The following PTGES2 variants were observed in gnomAD, a reference collection of about 807,000 sequenced individuals.
PTGES2 encodes prostaglandin E synthase 2.
In PTGES2, 35 loss-of-function variants were observed where a neutral mutation model predicts 44.5. The ratio of observed to expected loss-of-function variants is 0.79; its 90% CI spans 0.60 to 1.04. The LOEUF (loss-of-function observed/expected upper bound fraction) is 1.04, where lower values mean the gene tolerates loss of function less well. Ranked by LOEUF, PTGES2 falls within the 50% of genes least tolerant of loss-of-function variation. The pLI is 0.00. For synonymous variants in PTGES2, 221 were observed against 227.5 expected (o/e 0.97, Z 0.26); for missense variants, 517 against 521.4 (o/e 0.99, Z 0.08).
At chr9:128,125,593 G>T in intron 1 of PTGES2, 152 bp from the exon 2 acceptor site, 1 of 722,308 alleles carries the variant, frequency 1.4e-6, no homozygotes, top group Non-Finnish European at 2.3e-6. Flanking sequence ...GGGAAAGGGA[G>T]GCACTGGACA....
At chr9:128,127,322 C>G in intron 1 of PTGES2, 117 bp downstream of exon 1, 1 of 915,102 alleles carries the variant, frequency 1.1e-6, no homozygotes, top group Non-Finnish European at 1.4e-6. Flanking sequence ...GACTTCAGAC[C>G]AAGTCACTCG....
intron 1 of PTGES2, among the ~76,000 whole-genome samples, chr9:128,126,827 T>G (rs1283318782): frequency 6.9e-6 from 1 of 145,678 alleles, no homozygotes; most frequent in Non-Finnish European, 1.5e-5. Flanking sequence ...GCCACTGCAC[T>G]CCAGCCTGGG....
At position 128,122,479 on chromosome 9, in the gene PTGES2, C is replaced by T. The variant is rs753476991; in HGVS notation, c.888G>A (p.Arg296=). ...MYLISKRLKS[R]HRLQDNVRED... ...CGCGCACGTTGTCCTGGAGGCGGTG[C>T]CTGGGCGGGGAAGGGAAAAGCCCCT... is the stretch of plus-strand genomic sequence containing the variant. The change falls in exon 6 of 7, where the codon AGG becomes AGA. Residue 296 remains arginine, a splice_region_variant and synonymous_variant. Transcript: ENST00000338961. 3 of 1,613,440 alleles carry T rather than the reference C, an allele frequency of 1.9e-6. No homozygotes were observed. Among genetic ancestry groups the T allele is most frequent in the South Asian group, 2.2e-5 (2 of 91,078 alleles).
Position 128,127,424 on chromosome 9 carries a change from C to A in PTGES2, c.279+15G>T, listed in dbSNP as rs1417203715. ...GCTGATCAGCATCCCCATCCCCGGCCGGGCCAGGCCTTACCTGCGCGGCTG... is the reference window on the plus strand; with the variant it reads ...GCTGATCAGCATCCCCATCCCCGGCAGGGCCAGGCCTTACCTGCGCGGCTG... On this transcript the variant is annotated intron_variant, in intron 1 of 6. Transcript: ENST00000338961. 7.4e-7 allele frequency: 1 copy of A among 1,342,416 alleles called. No individual in the cohort carries two copies. Among genetic ancestry groups the A allele is most frequent in the South Asian group, 2.1e-5 (1 of 48,024 alleles). 83.2% of individuals were successfully genotyped at this position (1,342,416 alleles called of 1,614,324 possible).
Position 128,122,367 on chromosome 9 carries a change from C to A in PTGES2, c.1000G>T (p.Asp334Tyr). The A allele has an allele frequency of 1.2e-6, 2 of 1,613,712 alleles. No individual in the cohort carries two copies. Among genetic ancestry groups the A allele is most frequent in the South Asian group, 1.1e-5 (1 of 91,082 alleles). The change falls in exon 6 of 7, where the codon GAT (aspartate) becomes TAT (tyrosine). Residue 334 changes from aspartate (D) to tyrosine (Y), a missense_variant. Transcript: ENST00000338961. ...CCTGCCACCACCACACTCACCAAAT[C>A]AGCGAGATTCGGCTTCTGGCCCCCC... ...FMGGQKPNLA[D>Y]LAVYGVLRVM...
At position 128,123,856 on chromosome 9, in the gene PTGES2, G is replaced by T. The variant is rs199713302; in HGVS notation, c.537-5C>A. On this transcript the variant is annotated splice_region_variant and splice_polypyrimidine_tract_variant and intron_variant, in intron 3 of 6. Coordinates refer to ENST00000338961, the MANE Select transcript of PTGES2 (RefSeq NM_025072.7). This position sits in a 1 kb window ranked among gnomAD's most constrained non-coding sequence, Gnocchi z 4.4. The stretch of plus-strand genomic sequence containing the variant: ...ATGATCTCTTCCAGGGGCTGCCTTC[G>T]GAGAGAGCCACAATATCACCCCAAC... 1 of 1,612,036 alleles carries T rather than the reference G, an allele frequency of 6.2e-7. No individual in the cohort carries two copies. Among genetic ancestry groups the T allele is most frequent in the Non-Finnish European group, 8.5e-7 (1 of 1,178,472 alleles).
intron 2 of PTGES2, chr9:128,124,823 T>C (rs1303733442): frequency 7.8e-7 from 1 of 1,282,028 alleles, no homozygotes; most frequent in Non-Finnish European, 9.9e-7. Flanking sequence ...TTCTGGAAGC[T>C]ACATACTAGA....
intron 6 of PTGES2, among the ~76,000 whole-genome samples, chr9:128,121,936 A>G (rs1213986325): frequency 1.3e-5 from 2 of 151,622 alleles, no homozygotes; most frequent in Non-Finnish European, 2.9e-5. Context: ...AAACAACAAC[A>G]ACAAAAAAAA....
chr9:128,126,242 T>C (rs1834612033), intron 1 of PTGES2, among the ~76,000 whole-genome samples: 2 of 152,214 alleles, frequency 1.3e-5, no homozygotes, highest in Non-Finnish European at 2.9e-5. Context: ...CTGTTCCCTC[T>C]GGTCCAGCAA....
chr9:128,127,648 C>G lies in PTGES2; in HGVS notation c.70G>C (p.Gly24Arg). The G allele has an allele frequency of 4.7e-6, 6 of 1,276,652 alleles. No individual in the cohort carries two copies. Among genetic ancestry groups the G allele is most frequent in the Non-Finnish European group, 5.9e-6 (6 of 1,012,492 alleles). The allele number at this position is 1,276,652 out of a possible 1,614,324, so 79.1% of individuals were successfully genotyped here. Residue 24 changes from glycine to arginine, a missense_variant, in exon 1 of 7, where the codon GGC becomes CGC. Coordinates refer to ENST00000338961, the MANE Select transcript of PTGES2 (RefSeq NM_025072.7). ...GGCALAWRLG[G>R]RPQPLLPTQS... ...GTGGGTAGCAGCGGCTGGGGGCGGC[C>G]TCCCAGCCTCCAGGCCAAGGCGCAC...
chr9:128,125,506 G>T, intron 1 of PTGES2, 65 bp from the exon 2 acceptor site: 1 of 1,510,416 alleles, frequency 6.6e-7, no homozygotes. Context: ...CTGCCCCCAA[G>T]GGTGTTTTCC....
At chr9:128,125,128 T>C in intron 2 of PTGES2, 116 bp downstream of exon 2, 1 of 996,612 alleles carries the variant, frequency 1.0e-6, no homozygotes, top group Non-Finnish European at 1.5e-6. Flanking sequence ...CCCATAGTCC[T>C]TACAGGCACA....
Position 128,122,416 on chromosome 9 carries a change from A to C in PTGES2, c.951T>G (p.Ala317=), listed in dbSNP as rs1834447223. Reference sequence around the variant, plus strand: ...CCATGAAGGGCCGGTCCTTGCCCACAGCAGCCACCCACTTGTCAGCAGCCT... The same window carrying C: ...CCATGAAGGGCCGGTCCTTGCCCACCGCAGCCACCCACTTGTCAGCAGCCT... The part of the protein sequence containing the change: ...LYEAADKWVA[A]VGKDRPFMGG... The change falls in exon 6 of 7, where the codon GCT becomes GCG. Residue 317 remains alanine, a synonymous_variant. Transcript: ENST00000338961. 4 of 1,614,184 alleles carry C rather than the reference A, an allele frequency of 2.5e-6. No individual in the cohort carries two copies. The highest frequency in any genetic ancestry group is 1.6e-4 in the Middle Eastern group (1 of 6,062).
chr9:128,123,758 C>G lies in PTGES2; in HGVS notation c.630G>C (p.Trp210Cys), dbSNP rs968880308. The change falls in exon 4 of 7, where the codon TGG becomes TGC. Residue 210 changes from tryptophan (W) to cysteine (C), a missense_variant. Trp to Cys is a radical substitution (Grantham distance 215). Coordinates refer to ENST00000338961, the MANE Select transcript of PTGES2 (RefSeq NM_025072.7). The surrounding 1 kb of genome is among the most constrained non-coding windows in gnomAD (Gnocchi z 4.4). ...KEVTEFGNKY[W>C]LMLNEKEAQQ... ...GGGCCTCCTTCTCGTTGAGCATGAG[C>G]CAGTACTTATTGCCGAACTCGGTCA... The G allele has an allele frequency of 3.1e-6, 5 of 1,613,998 alleles. No individual in the cohort carries two copies. In the African/African-American group the frequency reaches 6.7e-5, roughly 22 times the overall value.
In PTGES2 at chr9:128,122,415, C is replaced by T. The variant is rs1327345640; in HGVS notation, c.952G>A (p.Val318Met). The stretch of plus-strand genomic sequence containing the variant: ...CCCATGAAGGGCCGGTCCTTGCCCA[C>T]AGCAGCCACCCACTTGTCAGCAGCC... The part of the protein sequence containing the change: ...YEAADKWVAA[V>M]GKDRPFMGGQ... The change falls in exon 6 of 7, where the codon GTG becomes ATG. Residue 318 changes from valine (V) to methionine (M), a missense_variant. By Grantham distance (21) the Val-to-Met change is conservative. Transcript: ENST00000338961. 1.9e-6 allele frequency: 3 copies of T among 1,614,118 alleles called. No individual in the cohort carries two copies. The highest frequency in any genetic ancestry group is 1.3e-5 in the African/African-American group (1 of 74,938).
Position 128,127,728 on chromosome 9 carries a change from C to T in PTGES2, c.-11G>A, listed in dbSNP as rs1198401172. On this transcript the variant is annotated 5_prime_UTR_variant, in exon 1 of 7. Transcript: ENST00000338961. ...CGCAGCCGGGTCCATGTTCGCTCCG[C>T]CGGCGCCGCGGGCGGGCGCGCGAAA... 1.6e-6 allele frequency: 2 copies of T among 1,255,524 alleles called. No homozygotes were observed. The highest frequency in any genetic ancestry group is 1.6e-5 in the African/African-American group (1 of 64,170). The allele number at this position is 1,255,524 out of a possible 1,614,324, so 77.8% of individuals were successfully genotyped here.
chr9:128,126,876 G>C (rs1183006224), intron 1 of PTGES2, among the ~76,000 whole-genome samples: 1 of 102,548 alleles, frequency 9.8e-6, no homozygotes, highest in Admixed American at 9.7e-5. Flanking sequence ...AAAAAAAAAA[G>C]TCTCCTTAAA....
chr9:128,122,984 C>T lies in PTGES2; in HGVS notation c.837G>A (p.Lys279=). 1 of 1,614,048 alleles carries T rather than the reference C, an allele frequency of 6.2e-7. No individual in the cohort carries two copies. The highest frequency in any genetic ancestry group is 2.2e-5 in the East Asian group (1 of 44,880). Residue 279 remains lysine, a synonymous_variant, in exon 5 of 7, where the codon AAG becomes AAA. Coordinates refer to ENST00000338961, the MANE Select transcript of PTGES2 (RefSeq NM_025072.7). ...KFGAVEGAVA[K]YMGAAAMYLI... is the part of the protein sequence containing the mutation. ...GGTACATGGCCGCTGCACCCATGTACTTGGCCACGGCACCCTCCACGGCTC... is the reference window on the plus strand; with the variant it reads ...GGTACATGGCCGCTGCACCCATGTATTTGGCCACGGCACCCTCCACGGCTC...
upstream of PTGES2, chr9:128,128,103 C>G (rs1205335282): frequency 2.2e-5 from 8 of 364,150 alleles, no homozygotes; most frequent in Non-Finnish European, 3.7e-5. Context: ...CCAGCCCTTC[C>G]TAGAGTCAGT....
Sources: allele counts gnomAD v4.1 joint callset (sites outside exome capture counted in the v4.1 genomes callset), GRCh38; gene constraint gnomAD v4.1.1; non-coding constraint Gnocchi (gnomAD v3.1); transcripts MANE v1.5; gene names NCBI Gene and HGNC (gene_info 2026-07-23, HGNC 2026-07-21).